PUM3: variants seen among roughly 807,000 people sequenced by gnomAD.
PUM3 encodes the protein pumilio homolog 3.
In PUM3, 91 loss-of-function variants were observed where a neutral mutation model predicts 84.0. The observed-to-expected ratio is 1.08, with a 90% CI of 0.91 to 1.29. PUM3 has a LOEUF of 1.29. PUM3 is among the 50% of genes most tolerant of loss of function. The probability of loss-of-function intolerance (pLI) is 0.00; values close to 1 mark genes in which losing one functional copy is unlikely to be tolerated. For synonymous variants in PUM3, 321 were observed against 266.7 expected (o/e 1.20, Z -1.98); for missense variants, 1,067 against 767.5 (o/e 1.39, Z -4.61).
chr9:2,832,349 C>T (rs1336732714), intron 5 of PUM3, among the ~76,000 whole-genome samples: 2 of 152,120 alleles, frequency 1.3e-5, no homozygotes, highest in Non-Finnish European at 2.9e-5. Context: ...AAGGAACTCG[C>T]TATCTCTATT....
chr9:2,821,930 G>A (rs1419532352), intron 12 of PUM3, among the ~76,000 whole-genome samples: 3 of 152,162 alleles, frequency 2.0e-5, no homozygotes, highest in Admixed American at 6.5e-5. Flanking sequence ...CAGTCACTAA[G>A]AAAAGTGAGG....
intron 13 of PUM3, among the ~76,000 whole-genome samples, chr9:2,815,490 C>A (rs568111773): frequency 3.3e-5 from 5 of 152,246 alleles, no homozygotes; most frequent in African/African-American, 1.2e-4. Flanking sequence ...AATTTAATCT[C>A]CGGGGTCTTA....
rs778115502 is a variant in PUM3 at position 2,824,723 on chromosome 9, C to G, written c.1128G>C (p.Thr376=). 7 of 1,542,402 alleles carry G rather than the reference C, an allele frequency of 4.5e-6. No homozygotes were observed. Among genetic ancestry groups the G allele is most frequent in the Non-Finnish European group, 6.2e-6 (7 of 1,134,078 alleles). The change falls in exon 11 of 18, where the codon ACG becomes ACC. Residue 376 remains threonine (T), a synonymous_variant. Coordinates refer to ENST00000397885, the MANE Select transcript of PUM3 (RefSeq NM_014878.5). ...RVAMHCLWHG[T]PKDRKVIVKT... Reference sequence around the variant, plus strand: ...CAAGTGCTGTCACACTTACCTTGGGCGTGCCATGCCACAGGCAGTGCATGG... The same window carrying G: ...CAAGTGCTGTCACACTTACCTTGGGGGTGCCATGCCACAGGCAGTGCATGG...
intron 10 of PUM3, among the ~76,000 whole-genome samples, chr9:2,825,399 TA>T (rs1277113654): frequency 6.6e-6 from 1 of 152,348 alleles, no homozygotes; most frequent in South Asian, 2.1e-4. Flanking sequence ...GACCCTTTAG[TA>T]AAAAACATTT....
At position 2,835,074 on chromosome 9, in the gene PUM3, T is replaced by G. The variant is rs142278491; in HGVS notation, c.305-908A>C. Among the ~76,000 whole-genome samples, 40 of 151,304 alleles carry G rather than the reference T, an allele frequency of 2.6e-4. 1 individual carries two copies. In the East Asian group the frequency reaches 5.6e-3, roughly 21 times the overall value. On this transcript the variant is annotated intron_variant, in intron 3 of 17. Coordinates refer to ENST00000397885, the MANE Select transcript of PUM3 (RefSeq NM_014878.5). The stretch of plus-strand genomic sequence containing the variant: ...ACCAAAACCTAGCTATAGCCACTGA[T>G]AATTTTCCCCTTGCTTCTTCTCCAT...
chr9:2,812,216 T>A lies in PUM3; in HGVS notation c.1412+4A>T. 6.2e-7 allele frequency: 1 copy of A among 1,613,290 alleles called. No homozygotes were observed. The highest frequency in any genetic ancestry group is 1.3e-5 in the African/African-American group (1 of 75,012). On this transcript the variant is annotated splice_donor_region_variant and intron_variant, in intron 14 of 17. Transcript: ENST00000397885. The stretch of plus-strand genomic sequence containing the variant: ...AGAAGTCAAGCCATTCTACTTGGTT[T>A]TACCTGTGTGCATTTCCATCTCCTT...
At chr9:2,838,386 A>G (rs764844844) in intron 2 of PUM3, 40 bp downstream of exon 2, 4 of 1,403,694 alleles carry the variant, frequency 2.8e-6, no homozygotes, top group East Asian at 2.3e-5. Context: ...CCATCCCCCA[A>G]TTATAACAGC....
chr9:2,843,360 C>G (rs916842604), intron 1 of PUM3, among the ~76,000 whole-genome samples: 1 of 152,070 alleles, frequency 6.6e-6, no homozygotes, highest in African/African-American at 2.4e-5. Flanking sequence ...TCAGACTCCA[C>G]TATCTGCCAA....
intron 1 of PUM3, among the ~76,000 whole-genome samples, chr9:2,841,514 G>C (rs1265869792): frequency 6.6e-6 from 1 of 152,182 alleles, no homozygotes; most frequent in Non-Finnish European, 1.5e-5. Context: ...GCTGCAGCGA[G>C]CTGAGATTGT....
In PUM3 at chr9:2,831,354, A is replaced by G; in HGVS notation, c.517-10T>C. ...CGTGTGCAAATGCAATCTGCAGGAA[A>G]AAGTTTGAGTTAGACTAATTCTCTT... On this transcript the variant is annotated splice_polypyrimidine_tract_variant and intron_variant, in intron 5 of 17. Coordinates refer to ENST00000397885, the MANE Select transcript of PUM3 (RefSeq NM_014878.5). 1.3e-6 allele frequency: 2 copies of G among 1,568,666 alleles called. No homozygotes were observed. The highest frequency in any genetic ancestry group is 1.4e-5 in the African/African-American group (1 of 73,982).
At position 2,812,226 on chromosome 9, in the gene PUM3, G is replaced by A. The variant is rs1372457575; in HGVS notation, c.1406C>T (p.Ala469Val). The A allele has an allele frequency of 6.2e-7, 1 of 1,613,524 alleles. No individual in the cohort carries two copies. Among genetic ancestry groups the A allele is most frequent in the African/African-American group, 1.3e-5 (1 of 74,996 alleles). ...CCATTCTACTTGGTTTTACCTGTGT[G>A]CATTTCCATCTCCTTTTTGCAGAAC... ...IEVLQKGDGN[A>V]HSKKDTEVRR... The change falls in exon 14 of 18, where the codon GCA becomes GTA. Residue 469 changes from alanine (A) to valine (V), a missense_variant. Ala to Val is a moderately conservative substitution (Grantham distance 64). Transcript: ENST00000397885.
In PUM3 at chr9:2,805,552, G is replaced by A. The variant is rs181297085; in HGVS notation, c.1815-1089C>T. Among the ~76,000 whole-genome samples the A allele has an allele frequency of 7.6e-4, 115 of 152,268 alleles. 1 individual carries two copies. Among genetic ancestry groups the A allele is most frequent in the Admixed American group, 7.1e-3 (108 of 15,304 alleles). On this transcript the variant is annotated intron_variant, in intron 17 of 17. Transcript: ENST00000397885. ...CCAAGCAATATTCTACTGCTTATGG[G>A]AGATAAGAAACAATTCAGCTTGCCA...
Position 2,819,228 on chromosome 9 carries a change from A to T in PUM3, c.1269+790T>A, listed in dbSNP as rs368860449. ...ATACACTAAAAACAAAAGAAAAGAC[A>T]ATTGTAGAATCAGAAAAAGAGACTA... On this transcript the variant is annotated intron_variant, in intron 13 of 17. Coordinates refer to ENST00000397885, the MANE Select transcript of PUM3 (RefSeq NM_014878.5). Among the ~76,000 whole-genome samples the T allele has an allele frequency of 1.8e-4, 28 of 152,364 alleles. No individual in the cohort carries two copies. The East Asian group carries it at 2.3e-3, about 13-fold the overall frequency.
intron 16 of PUM3, among the ~76,000 whole-genome samples, chr9:2,810,107 G>T (rs566415629): frequency 1.3e-5 from 2 of 151,086 alleles, no homozygotes; most frequent in East Asian, 2.0e-4. Flanking sequence ...GGGGCGGTGG[G>T]GGGGGCTGGC....
In PUM3 at chr9:2,842,290, C is replaced by T. The variant is rs188769055; in HGVS notation, c.-11+1755G>A. On this transcript the variant is annotated intron_variant, in intron 1 of 17. Transcript: ENST00000397885. ...TTGTTTAGATCCTATCTGCTTTGAT[C>T]CACTTTCCGCTGCCTGATTAACCTT... Among the ~76,000 whole-genome samples, 48 of 152,248 alleles carry T rather than the reference C, an allele frequency of 3.2e-4. No individual in the cohort carries two copies. The Middle Eastern group carries it at 0.01, about 32-fold the overall frequency.
rs968016603 is a variant in PUM3 at position 2,831,232 on chromosome 9, T to G, written c.610+19A>C. 3 of 1,452,802 alleles carry G rather than the reference T, an allele frequency of 2.1e-6. No homozygotes were observed. Among genetic ancestry groups the G allele is most frequent in the Non-Finnish European group, 2.9e-6 (3 of 1,039,776 alleles). 90.0% of individuals were successfully genotyped at this position (1,452,802 alleles called of 1,614,324 possible). A position where few individuals can be genotyped will look rare whatever the true frequency, so the allele number is the denominator to read the frequency against. ...ACTTATTGCAAATGATAACATAATC[T>G]TTAGTATGTAATAAATACCTCGCAA... On this transcript the variant is annotated intron_variant, in intron 6 of 17. Transcript: ENST00000397885.
chr9:2,826,182 GTTCCAAATGAT>G (rs1349426985), intron 10 of PUM3, among the ~76,000 whole-genome samples: 17 of 151,672 alleles, frequency 1.1e-4, no homozygotes, highest in Admixed American at 1.1e-3. Flanking sequence ...CGCATGCTAA[GTTCCAAATGAT>G]TTTTTGCTGT....
chr9:2,806,498 A>C (rs754730534), intron 17 of PUM3, among the ~76,000 whole-genome samples: 1 of 152,254 alleles, frequency 6.6e-6, no homozygotes, highest in African/African-American at 2.4e-5. Flanking sequence ...TGTTGCAAGT[A>C]AAGTATCTTG....
chr9:2,839,919 T>C (rs989552690), intron 1 of PUM3, among the ~76,000 whole-genome samples: 1 of 152,236 alleles, frequency 6.6e-6, no homozygotes, highest in Non-Finnish European at 1.5e-5. Context: ...CAGCTTCCCC[T>C]AATGTTAACA....
Sources: allele counts gnomAD v4.1 joint callset (sites outside exome capture counted in the v4.1 genomes callset), GRCh38; gene constraint gnomAD v4.1.1; transcripts MANE v1.5; gene names NCBI Gene and HGNC (gene_info 2026-07-23, HGNC 2026-07-21).